Variants in CNTLN observed in about 807,000 individuals in gnomAD.
The protein encoded by CNTLN is centlein.
Under a neutral mutation model 180.0 loss-of-function variants are expected in CNTLN, and 212 were observed. The observed-to-expected ratio is 1.18, with a 90% CI of 1.05 to 1.32. The LOEUF is 1.32. CNTLN is among the 40% of genes most tolerant of loss of function. The probability of loss-of-function intolerance (pLI) is 0.00; values close to 1 mark genes in which losing one functional copy is unlikely to be tolerated. For synonymous variants in CNTLN, 722 were observed against 563.1 expected (o/e 1.28, Z -3.99); for missense variants, 2,095 against 1,610.9 (o/e 1.30, Z -5.14).
At chr9:17,373,834 G>T (rs1202501088) in intron 13 of CNTLN, among the ~76,000 whole-genome samples, 1 of 152,070 alleles carries the variant, frequency 6.6e-6, no homozygotes, top group African/African-American at 2.4e-5. Context: ...TAAACTAATT[G>T]TTGACAGCGT....
At chr9:17,475,587 T>C (rs867294705) in intron 23 of CNTLN, among the ~76,000 whole-genome samples, 87 of 151,506 alleles carry the variant, frequency 5.7e-4, no homozygotes, top group African/African-American at 2.0e-3. Flanking sequence ...ATAAAGAAGA[T>C]AGGGGCCGGG....
In CNTLN at chr9:17,355,025, C is replaced by T. The variant is rs138073914; in HGVS notation, c.1887-11592C>T. On this transcript the variant is annotated intron_variant, in intron 12 of 25. Transcript: ENST00000380647. ...CTTCACTCCTGAGCCAGCGAGACCA[C>T]GAACCCACCAGAAGGAAGAAACTCG... Among the ~76,000 whole-genome samples the T allele has an allele frequency of 2.4e-3, 357 of 151,892 alleles. 1 individual carries two copies. Among genetic ancestry groups the T allele is most frequent in the African/African-American group, 8.0e-3 (333 of 41,382 alleles).
Position 17,307,114 on chromosome 9 carries a change from C to T in CNTLN, c.1147-1944C>T, listed in dbSNP as rs185490710. Among the ~76,000 whole-genome samples the T allele has an allele frequency of 1.1e-4, 16 of 152,086 alleles. No homozygotes were observed. In the East Asian group the frequency reaches 3.1e-3, roughly 29 times the overall value. On this transcript the variant is annotated intron_variant, in intron 7 of 25. Transcript: ENST00000380647. ...CTGTGGAAATGACATTGGACATGCT[C>T]CTTGGTATAAAGGTAATGAGAAGGG...
At chr9:17,198,136 C>G (rs968767282) in intron 2 of CNTLN, among the ~76,000 whole-genome samples, 1 of 152,004 alleles carries the variant, frequency 6.6e-6, no homozygotes, top group African/African-American at 2.4e-5. Context: ...GTTACTATAG[C>G]TTTGTAGTAT....
chr9:17,487,581 G>A (rs968391270), intron 25 of CNTLN, among the ~76,000 whole-genome samples: 3 of 152,044 alleles, frequency 2.0e-5, no homozygotes, highest in African/African-American at 7.2e-5. Flanking sequence ...AGTAAATATT[G>A]ATTTGGCATC....
At chr9:17,398,089 A>G (rs911813818) in intron 15 of CNTLN, among the ~76,000 whole-genome samples, 2 of 152,230 alleles carry the variant, frequency 1.3e-5, no homozygotes, top group African/African-American at 4.8e-5. Flanking sequence ...CTCAGTATTT[A>G]TTTCCCATAG....
At chr9:17,207,426 C>T (rs772619865) in intron 2 of CNTLN, among the ~76,000 whole-genome samples, 5 of 152,120 alleles carry the variant, frequency 3.3e-5, no homozygotes, top group African/African-American at 7.2e-5. Context: ...GCAGCTAGCT[C>T]GGTGTCTGCC....
intron 12 of CNTLN, among the ~76,000 whole-genome samples, chr9:17,353,981 C>T (rs1822590786): frequency 1.3e-5 from 2 of 152,186 alleles, no homozygotes; most frequent in African/African-American, 2.4e-5. Flanking sequence ...TGCTTGTTGG[C>T]CAGCTGGAGT....
chr9:17,234,448 C>CA (rs982835983), intron 3 of CNTLN, among the ~76,000 whole-genome samples: 60 of 151,320 alleles, frequency 4.0e-4, no homozygotes, highest in African/African-American at 1.2e-3. Flanking sequence ...ACCTGTCTCT[C>CA]AAAAAAAACT....
intron 5 of CNTLN, among the ~76,000 whole-genome samples, chr9:17,268,405 T>G (rs548643683): frequency 6.6e-6 from 1 of 152,276 alleles, no homozygotes; most frequent in African/African-American, 2.4e-5. Context: ...AAGTTTTGTC[T>G]CAGAGGAGTA....
In CNTLN at chr9:17,159,051, T is replaced by A. The variant is rs111488074; in HGVS notation, c.449+15675T>A. 3.1e-3 allele frequency among the ~76,000 whole-genome samples: 475 copies of A among 152,342 alleles called. 5 individuals are homozygous for A. The highest frequency in any genetic ancestry group is 0.011 in the African/African-American group (457 of 41,590). The stretch of plus-strand genomic sequence containing the variant: ...TATATTTTGTTTTTATTTTCGCTAA[T>A]CTCAGAGTGATGTCCTCTTTGACCT... On this transcript the variant is annotated intron_variant, in intron 2 of 25. Coordinates refer to ENST00000380647, the MANE Select transcript of CNTLN (RefSeq NM_017738.4).
chr9:17,404,021 CTG>C (rs2133804174), intron 15 of CNTLN, among the ~76,000 whole-genome samples: 1 of 151,822 alleles, frequency 6.6e-6, no homozygotes, highest in East Asian at 1.9e-4. Flanking sequence ...GGTGATTCAC[CTG>C]CCTCAGCCTC....
intron 18 of CNTLN, among the ~76,000 whole-genome samples, chr9:17,440,701 C>T (rs961979794): frequency 1.3e-5 from 2 of 152,102 alleles, no homozygotes; most frequent in African/African-American, 2.4e-5. Flanking sequence ...GGTCCATCAA[C>T]TTATGAATGG....
chr9:17,309,224 A>C lies in CNTLN; in HGVS notation c.1313A>C (p.Gln438Pro). 3.1e-6 allele frequency: 5 copies of C among 1,600,426 alleles called. No homozygotes were observed. Residue 438 changes from glutamine (Q) to proline (P), a missense_variant, in exon 8 of 26, where the codon CAA becomes CCA. Transcript: ENST00000380647. ...CAGGGAGCACCTCTTCCTTTACCTC[A>C]AGAAAGTGATCCAGACTACTCAGCA... ...ESQGAPLPLP[Q>P]ESDPDYSAQV...
chr9:17,301,468 GT>G (rs1268864127), intron 7 of CNTLN: 1 of 985,170 alleles, frequency 1.0e-6, no homozygotes, highest in African/African-American at 1.7e-5. Flanking sequence ...TTTTCCTTGT[GT>G]TTAGTCTGTT....
At chr9:17,303,044 C>G (rs1332620212) in intron 7 of CNTLN, among the ~76,000 whole-genome samples, 4 of 152,086 alleles carry the variant, frequency 2.6e-5, no homozygotes. Context: ...TTGTTTAAGC[C>G]TCGCACCAAC....
intron 10 of CNTLN, among the ~76,000 whole-genome samples, chr9:17,337,982 C>T (rs1343347173): frequency 1.3e-5 from 2 of 151,992 alleles, no homozygotes; most frequent in Non-Finnish European, 2.9e-5. Flanking sequence ...GAGGGAAGAA[C>T]TTTGATTCAA....
chr9:17,461,513 A>G (rs1185672105), intron 19 of CNTLN, among the ~76,000 whole-genome samples: 1 of 151,738 alleles, frequency 6.6e-6, no homozygotes, highest in Non-Finnish European at 1.5e-5. Flanking sequence ...TTTCATGTAA[A>G]AATTAAAATT....
the CNTLN span, among the ~76,000 whole-genome samples, chr9:17,520,879 C>G: frequency 6.6e-6 from 1 of 152,158 alleles, no homozygotes; most frequent in African/African-American, 2.4e-5. Flanking sequence ...GGAGGCTAGA[C>G]AATGGCAATA....
Sources: gnomAD v4.1 joint callset for allele counts (sites outside exome capture counted in the v4.1 genomes callset) on GRCh38, gnomAD v4.1.1 for gene constraint, MANE v1.5 for transcripts, NCBI Gene and HGNC (gene_info 2026-07-23, HGNC 2026-07-21) for gene names.